DMD: variants seen among roughly 807,000 people sequenced by gnomAD.
DMD encodes the protein mutant dystrophin.
Under a neutral mutation model 330.1 loss-of-function variants are expected in DMD, and 63 were observed. That is an observed-to-expected ratio of 0.19 (90% CI 0.16 to 0.24). The LOEUF (loss-of-function observed/expected upper bound fraction) is 0.24, where lower values mean the gene tolerates loss of function less well. DMD is among the 10% of genes least tolerant of loss of function. The probability of loss-of-function intolerance (pLI) is 1.00; values close to 1 mark genes in which losing one functional copy is unlikely to be tolerated. For missense variants in DMD, 3,344 were observed against 2,684.1 expected (o/e 1.25, Z -5.43); for synonymous variants, 1,223 against 959.8 (o/e 1.27, Z -5.07).
chrX:32,099,916 A>G lies in DMD; in HGVS notation c.6438+117000T>C, dbSNP rs149758222. On this transcript the variant is annotated intron_variant, in intron 44 of 78. Transcript: ENST00000357033. Reference sequence around the variant, plus strand: ...ATTAAAAAAAAAAAGGATGTATCCTACCATGATGTGTCTTTTTCCTAGGAC... The same window carrying G: ...ATTAAAAAAAAAAAGGATGTATCCTGCCATGATGTGTCTTTTTCCTAGGAC... Among the ~76,000 whole-genome samples, 244 of 110,477 alleles carry G rather than the reference A, an allele frequency of 2.2e-3. 1 individual carries two copies. Among genetic ancestry groups the G allele is most frequent in the African/African-American group, 7.6e-3 (231 of 30,339 alleles).
chrX:31,421,904 C>CATATATATATATATAT (rs1205689227), intron 60 of DMD, among the ~76,000 whole-genome samples: 5 of 63,134 alleles, frequency 7.9e-5, no homozygotes, highest in African/African-American at 6.1e-4. Context: ...TATATATACA[C>CATATATATATATATAT]ACACACACAC....
Position 31,120,150 on chromosome X carries a change from G to GTATC in DMD, c.*1765_*1768dup, listed in dbSNP as rs1029527888. The GTATC allele has an allele frequency of 2.7e-5, 3 of 110,833 alleles. No homozygotes were observed. The highest frequency in any genetic ancestry group is 9.6e-5 in the Admixed American group (1 of 10,454). The allele number at this position is 110,833 out of a possible 1,213,427, so 9.1% of individuals were successfully genotyped here. A position where few individuals can be genotyped will look rare whatever the true frequency, so the allele number is the denominator to read the frequency against. ...TTGCAAAATTATAGGTCACACGGTG[G>GTATC]TATCTATTGAATGAATGATTTAAAA... is the stretch of plus-strand genomic sequence containing the variant. On this transcript the variant is annotated 3_prime_UTR_variant, in exon 79 of 79. Transcript: ENST00000357033.
At chrX:33,189,526 C>T (rs903907912) in intron 1 of DMD, among the ~76,000 whole-genome samples, 1 of 110,779 alleles carries the variant, frequency 9.0e-6, no homozygotes, top group Non-Finnish European at 1.9e-5. Context: ...AATAATTTTT[C>T]CTGAGATGAA....
chrX:32,043,801 A>G (rs1008099878), intron 44 of DMD, among the ~76,000 whole-genome samples: 1 of 112,395 alleles, frequency 8.9e-6, no homozygotes, highest in African/African-American at 3.2e-5. Flanking sequence ...TTTAATCATT[A>G]TAATCAGACT....
At chrX:32,703,047 G>C (rs1387742496) in intron 7 of DMD, among the ~76,000 whole-genome samples, 1 of 111,301 alleles carries the variant, frequency 9.0e-6, no homozygotes, top group Non-Finnish European at 1.9e-5. Context: ...CCAACCAGCA[G>C]CAAACACTCC....
At chrX:32,937,105 G>A (rs1029619529) in intron 2 of DMD, among the ~76,000 whole-genome samples, 21 of 110,731 alleles carry the variant, frequency 1.9e-4, no homozygotes, top group African/African-American at 6.6e-4. Context: ...ACAGAGATAT[G>A]CTCAGTGTTA....
At chrX:32,251,270 A>C (rs186576037) in intron 43 of DMD, among the ~76,000 whole-genome samples, 31 of 110,935 alleles carry the variant, frequency 2.8e-4, no homozygotes, top group Middle Eastern at 4.6e-3. Flanking sequence ...TATTGCACCC[A>C]CTCACATAAC....
At chrX:31,329,867 A>G in intron 61 of DMD, among the ~76,000 whole-genome samples, 1 of 100,676 alleles carries the variant, frequency 9.9e-6, no homozygotes, top group Middle Eastern at 5.3e-3. Flanking sequence ...GCTACTCGGG[A>G]GGCTGAGGCA....
chrX:33,328,026 T>C (rs2054113949), intron 1 of DMD, among the ~76,000 whole-genome samples: 1 of 112,079 alleles, frequency 8.9e-6, no homozygotes, highest in Non-Finnish European at 1.9e-5. Context: ...AAAATTTATG[T>C]TGTTCTTCAT....
chrX:33,097,756 C>T (rs2095187545), intron 1 of DMD, among the ~76,000 whole-genome samples: 1 of 108,751 alleles, frequency 9.2e-6, no homozygotes, highest in Admixed American at 1.0e-4. Flanking sequence ...GCTGAGATTA[C>T]AGGCACTGGC....
At chrX:33,069,292 A>T (rs2094709984) in intron 1 of DMD, among the ~76,000 whole-genome samples, 1 of 110,853 alleles carries the variant, frequency 9.0e-6, no homozygotes, top group African/African-American at 3.3e-5. Context: ...TTTCTATCTT[A>T]AAAAAATACA....
intron 76 of DMD, among the ~76,000 whole-genome samples, chrX:31,143,160 G>A (rs894147853): frequency 9.9e-5 from 11 of 111,271 alleles, no homozygotes; most frequent in African/African-American, 3.6e-4. Flanking sequence ...TATGCAGTTC[G>A]ATATGGTTTG....
intron 74 of DMD, among the ~76,000 whole-genome samples, chrX:31,154,496 G>A (rs1180663123): frequency 3.7e-5 from 4 of 106,855 alleles, no homozygotes; most frequent in East Asian, 5.8e-4. Flanking sequence ...GGGTTTCACC[G>A]TGTTAGCCAG....
In DMD at chrX:32,364,578, C is replaced by A; in HGVS notation, c.5154+4G>T. On this transcript the variant is annotated splice_donor_region_variant and intron_variant, in intron 36 of 78. Transcript: ENST00000357033. ...GACATTACTTTTCATATTTTATTTG[C>A]TACCTTAAGCACGTCTTCTTTTTGC... 4 of 1,210,205 alleles carry A rather than the reference C, an allele frequency of 3.3e-6. No individual in the cohort carries two copies. The highest frequency in any genetic ancestry group is 4.5e-6 in the Non-Finnish European group (4 of 894,441).
At chrX:31,951,066 T>A (rs1180305283) in intron 45 of DMD, among the ~76,000 whole-genome samples, 3 of 99,348 alleles carry the variant, frequency 3.0e-5, no homozygotes, top group African/African-American at 7.4e-5. Context: ...AATATTTGCA[T>A]ATACCTAATA....
chrX:32,461,300 G>A lies in DMD; in HGVS notation c.3432+2139C>T, dbSNP rs190257738. ...AACAATATTCACATATGGCTTCCTT[G>A]TTTTTACCGCATCGTCTTCTTCTTC... On this transcript the variant is annotated intron_variant, in intron 25 of 78. Transcript: ENST00000357033. Among the ~76,000 whole-genome samples, 19 of 111,169 alleles carry A rather than the reference G, an allele frequency of 1.7e-4. 1 individual carries two copies. In the East Asian group the frequency reaches 5.4e-3, roughly 32 times the overall value.
chrX:31,942,933 T>A (rs1304815008), intron 45 of DMD, among the ~76,000 whole-genome samples: 2 of 111,792 alleles, frequency 1.8e-5, no homozygotes, highest in African/African-American at 6.5e-5. Context: ...AAGAACAAAG[T>A]GTGTGTGTAT....
At chrX:31,380,743 G>A (rs1441667703) in intron 60 of DMD, among the ~76,000 whole-genome samples, 7 of 110,225 alleles carry the variant, frequency 6.4e-5, no homozygotes, top group Non-Finnish European at 1.1e-4. Context: ...ATTCTGTTCT[G>A]GATCTCAAAC....
chrX:33,313,014 G>A (rs149452789), intron 1 of DMD, among the ~76,000 whole-genome samples: 34 of 111,469 alleles, frequency 3.1e-4, no homozygotes, highest in African/African-American at 1.0e-3. Context: ...CTTGTTTACC[G>A]TATGAGACCT....
Sources: allele counts gnomAD v4.1 joint callset (sites outside exome capture counted in the v4.1 genomes callset), GRCh38; gene constraint gnomAD v4.1.1; transcripts MANE v1.5; gene names NCBI Gene and HGNC (gene_info 2026-07-23, HGNC 2026-07-21).